DACH2: variants seen among roughly 807,000 people sequenced by gnomAD.
The protein encoded by DACH2 is dachshund homolog 2.
In DACH2, 17 loss-of-function variants were observed where a neutral mutation model predicts 35.8. The observed-to-expected ratio is 0.48, with a 90% CI of 0.33 to 0.71. DACH2 has a LOEUF of 0.71. DACH2 is among the 30% of genes least tolerant of loss of function. The probability of loss-of-function intolerance (pLI) is 0.02; values close to 1 mark genes in which losing one functional copy is unlikely to be tolerated. For missense variants in DACH2, 469 were observed against 472.7 expected (o/e 0.99, Z 0.07); for synonymous variants, 195 against 177.3 (o/e 1.10, Z -0.79).
intron 1 of DACH2, among the ~76,000 whole-genome samples, chrX:86,364,899 G>C (rs1262733120): frequency 9.0e-6 from 1 of 111,181 alleles, no homozygotes; most frequent in East Asian, 2.9e-4. Flanking sequence ...TAAAGAAGAT[G>C]CTCATGTGTT....
intron 4 of DACH2, among the ~76,000 whole-genome samples, chrX:86,656,686 G>A (rs984713690): frequency 1.5e-4 from 16 of 107,702 alleles, no homozygotes; most frequent in African/African-American, 4.0e-4. Flanking sequence ...ATCTACTCTG[G>A]GAATTACTGT....
In DACH2 at chrX:86,708,041, A is replaced by G. The variant is rs534297933; in HGVS notation, c.932-6507A>G. Among the ~76,000 whole-genome samples, 31 of 109,622 alleles carry G rather than the reference A, an allele frequency of 2.8e-4. 1 individual carries two copies. In the South Asian group the frequency reaches 0.011, roughly 38 times the overall value. ...CAGTAGGCTAGAGAATAAAAATAAT[A>G]TGATACTAAAAGTAGATGCAGAAAA... is the stretch of plus-strand genomic sequence containing the variant. On this transcript the variant is annotated intron_variant, in intron 5 of 11. Coordinates refer to ENST00000373125, the MANE Select transcript of DACH2 (RefSeq NM_053281.3).
At chrX:86,715,053 G>A (rs1291392838) in intron 6 of DACH2, among the ~76,000 whole-genome samples, 2 of 111,573 alleles carry the variant, frequency 1.8e-5, no homozygotes, top group Non-Finnish European at 3.8e-5. Context: ...TAAACACTGT[G>A]CATCTTTTTG....
intron 2 of DACH2, among the ~76,000 whole-genome samples, chrX:86,409,814 G>A (rs753585979): frequency 1.3e-3 from 141 of 112,166 alleles, no homozygotes; most frequent in Non-Finnish European, 2.1e-3. Context: ...TATTTCTCTC[G>A]TAGTTAATCT....
chrX:86,275,763 GT>G (rs1202142167), intron 1 of DACH2, among the ~76,000 whole-genome samples: 1 of 111,312 alleles, frequency 9.0e-6, no homozygotes, highest in Non-Finnish European at 1.9e-5. Context: ...GAGTTCAATT[GT>G]TTTTATTTTT....
chrX:86,279,255 C>T (rs995367143), intron 1 of DACH2, among the ~76,000 whole-genome samples: 4 of 111,959 alleles, frequency 3.6e-5, no homozygotes, highest in African/African-American at 1.3e-4. Flanking sequence ...CAGGGAGACA[C>T]CTCCCAGCAG....
intron 2 of DACH2, among the ~76,000 whole-genome samples, chrX:86,442,648 C>T (rs2037188410): frequency 2.8e-5 from 1 of 36,074 alleles, no homozygotes; most frequent in African/African-American, 2.2e-4. Flanking sequence ...GAAGCATCTC[C>T]CCAAGTTTTC....
chrX:86,460,647 T>G (rs1358199168), intron 2 of DACH2, among the ~76,000 whole-genome samples: 1 of 110,875 alleles, frequency 9.0e-6, no homozygotes, highest in African/African-American at 3.3e-5. Context: ...CTGGAATGTA[T>G]TCTCCTTTTA....
intron 1 of DACH2, among the ~76,000 whole-genome samples, chrX:86,357,385 G>T (rs1451257917): frequency 1.8e-5 from 2 of 112,244 alleles, no homozygotes; most frequent in African/African-American, 6.5e-5. Context: ...ACTAGACAAA[G>T]AACATGTTTT....
At chrX:86,667,245 C>CA (rs1470990199) in intron 4 of DACH2, among the ~76,000 whole-genome samples, 1,452 of 61,723 alleles carry the variant, frequency 0.024, 54 homozygotes, top group African/African-American at 0.087. Flanking sequence ...AAGACTCTGT[C>CA]AAAAAAAAAA....
In DACH2 at chrX:86,651,073, T is replaced by G. The variant is rs2040472665; in HGVS notation, c.678T>G (p.Leu226=). ...TAAAMAEAMK[L]QKMKLMAMNT... is the part of the protein sequence containing the mutation. ...CAGCGATGGCTGAGGCGATGAAACT[T>G]CAGAAGATGAAGCTTATGGCTATGA... The change falls in exon 4 of 12, where the codon CTT becomes CTG. Residue 226 remains leucine (L), a synonymous_variant. Coordinates refer to ENST00000373125, the MANE Select transcript of DACH2 (RefSeq NM_053281.3). The G allele has an allele frequency of 8.3e-7, 1 of 1,208,301 alleles. No individual in the cohort carries two copies. The highest frequency in any genetic ancestry group is 1.1e-6 in the Non-Finnish European group (1 of 893,719).
intron 3 of DACH2, among the ~76,000 whole-genome samples, chrX:86,519,338 G>T (rs918588916): frequency 8.9e-6 from 1 of 111,904 alleles, no homozygotes; most frequent in African/African-American, 3.2e-5. Flanking sequence ...GTTCATGAAG[G>T]GCATTGGCCT....
At chrX:86,662,554 C>T (rs866192419) in intron 4 of DACH2, among the ~76,000 whole-genome samples, 2 of 109,576 alleles carry the variant, frequency 1.8e-5, no homozygotes, top group Non-Finnish European at 3.8e-5. Context: ...GATCACGCCG[C>T]TGCACTCCAG....
At chrX:86,336,892 A>G (rs2035321747) in intron 1 of DACH2, among the ~76,000 whole-genome samples, 2 of 108,983 alleles carry the variant, frequency 1.8e-5, no homozygotes. Flanking sequence ...ATGACCTGAT[A>G]GAGCTGAAAA....
chrX:86,347,134 T>C (rs901517350), intron 1 of DACH2, among the ~76,000 whole-genome samples: 1 of 112,097 alleles, frequency 8.9e-6, no homozygotes, highest in African/African-American at 3.2e-5. Context: ...TGCCCAGAGA[T>C]AATTTTTTTA....
intron 3 of DACH2, among the ~76,000 whole-genome samples, chrX:86,578,648 A>G (rs1437521555): frequency 1.8e-5 from 2 of 111,822 alleles, no homozygotes; most frequent in Admixed American, 9.5e-5. Flanking sequence ...TGGACGTACT[A>G]TAGTTAAGCC....
Position 86,221,085 on chromosome X carries a change from T to C in DACH2, c.488+71977T>C, listed in dbSNP as rs187324874. ...TTGATGTAGTTCTGCTTGTCTGTTT[T>C]TGTTTTTGTTGCCTGTGCTTTTAGT... On this transcript the variant is annotated intron_variant, in intron 1 of 11. Transcript: ENST00000373125. 3.3e-3 allele frequency among the ~76,000 whole-genome samples: 370 copies of C among 111,674 alleles called. 1 individual carries two copies. Among genetic ancestry groups the C allele is most frequent in the African/African-American group, 0.012 (359 of 30,759 alleles).
chrX:86,503,074 AAC>A (rs2038273927), intron 2 of DACH2, among the ~76,000 whole-genome samples: 1 of 112,016 alleles, frequency 8.9e-6, no homozygotes, highest in Admixed American at 9.5e-5. Context: ...TAAAAGCAAA[AAC>A]ACACAATACA....
chrX:86,423,040 TG>T (rs1348804973), intron 2 of DACH2, among the ~76,000 whole-genome samples: 1 of 111,991 alleles, frequency 8.9e-6, no homozygotes, highest in Non-Finnish European at 1.9e-5. Flanking sequence ...ATTGTGCATA[TG>T]TACCACATTT....
Sources: gnomAD v4.1 joint callset for allele counts (sites outside exome capture counted in the v4.1 genomes callset) on GRCh38, gnomAD v4.1.1 for gene constraint, MANE v1.5 for transcripts, NCBI Gene and HGNC (gene_info 2026-07-23, HGNC 2026-07-21) for gene names.